RANBP17: variants seen among roughly 807,000 people sequenced by gnomAD.
RANBP17 encodes the protein RAN binding protein 17.
In RANBP17, 158 loss-of-function variants were observed where a neutral mutation model predicts 141.2. The ratio of observed to expected loss-of-function variants is 1.12; its 90% CI spans 0.98 to 1.28. RANBP17 has a LOEUF of 1.28. Among genes scored for constraint, RANBP17 ranks in the 50% most tolerant of loss-of-function variants. The pLI is 0.00. For synonymous variants in RANBP17, 430 were observed against 450.0 expected (o/e 0.96, Z 0.56); for missense variants, 1,438 against 1,290.7 (o/e 1.11, Z -1.75).
At chr5:170,876,067 C>T (rs1361660752) in intron 1 of RANBP17, among the ~76,000 whole-genome samples, 2 of 152,164 alleles carry the variant, frequency 1.3e-5, no homozygotes, top group African/African-American at 4.8e-5. Context: ...CACTCCTGCA[C>T]CTGGAGATGT....
At chr5:171,167,442 C>A (rs1370965493) in intron 14 of RANBP17, among the ~76,000 whole-genome samples, 1 of 151,854 alleles carries the variant, frequency 6.6e-6, no homozygotes, top group Non-Finnish European at 1.5e-5. Context: ...AGAAAATTAA[C>A]CAGTAAAGAT....
At chr5:171,252,281 ATAT>A in intron 24 of RANBP17, 5 of 1,552,182 alleles carry the variant, frequency 3.2e-6, no homozygotes, top group Non-Finnish European at 4.4e-6. Context: ...CCTAATGGTA[ATAT>A]TAATAATGAA....
chr5:170,972,129 C>G (rs1054769002), intron 14 of RANBP17, among the ~76,000 whole-genome samples: 2 of 151,398 alleles, frequency 1.3e-5, no homozygotes, highest in African/African-American at 4.9e-5. Context: ...CAAAACACAG[C>G]ACTGTTAACT....
At chr5:171,017,688 C>G (rs552588209) in intron 14 of RANBP17, among the ~76,000 whole-genome samples, 4 of 152,274 alleles carry the variant, frequency 2.6e-5, no homozygotes, top group Non-Finnish European at 4.4e-5. Context: ...CAAAAATTTT[C>G]TCCCATCTAT....
At chr5:171,018,976 A>C (rs969901833) in intron 14 of RANBP17, among the ~76,000 whole-genome samples, 7 of 152,180 alleles carry the variant, frequency 4.6e-5, no homozygotes, top group African/African-American at 1.4e-4. Context: ...AGGGATGTTG[A>C]ATTTTATCAA....
intron 22 of RANBP17, among the ~76,000 whole-genome samples, chr5:171,227,168 G>A (rs1034970423): frequency 1.3e-5 from 2 of 152,210 alleles, no homozygotes; most frequent in African/African-American, 4.8e-5. Context: ...ATTAAGCTTA[G>A]CGAAGAAGGC....
intron 14 of RANBP17, among the ~76,000 whole-genome samples, chr5:171,147,074 T>A (rs1758068958): frequency 1.3e-5 from 2 of 152,154 alleles, no homozygotes; most frequent in South Asian, 4.1e-4. Context: ...TTTAAAGATA[T>A]TTTTGGTTGT....
chr5:171,092,000 G>A (rs1786327553), intron 14 of RANBP17, among the ~76,000 whole-genome samples: 1 of 152,174 alleles, frequency 6.6e-6, no homozygotes, highest in Non-Finnish European at 1.5e-5. Context: ...TGGTATATGT[G>A]AGGGATCCTG....
intron 14 of RANBP17, among the ~76,000 whole-genome samples, chr5:171,118,138 G>A (rs1015992833): frequency 6.6e-6 from 1 of 152,066 alleles, no homozygotes; most frequent in Non-Finnish European, 1.5e-5. Context: ...TTACATTTAG[G>A]TCTTTGATCT....
intron 1 of RANBP17, among the ~76,000 whole-genome samples, chr5:170,866,444 G>A (rs531941566): frequency 6.6e-6 from 1 of 152,200 alleles, no homozygotes; most frequent in East Asian, 1.9e-4. Context: ...GGGAGGCTGA[G>A]GCAGGTGGGT....
chr5:171,187,464 A>G (rs1761340332), intron 18 of RANBP17, among the ~76,000 whole-genome samples: 1 of 152,086 alleles, frequency 6.6e-6, no homozygotes, highest in Non-Finnish European at 1.5e-5. Flanking sequence ...AAAGTGTGGT[A>G]TCTGTGAAGC....
chr5:170,863,520 A>T (rs1766992515), intron 1 of RANBP17: 1 of 152,158 alleles, frequency 6.6e-6, no homozygotes, highest in African/African-American at 2.4e-5. Context: ...TTTTGACTTC[A>T]TGCCATTTCT....
At chr5:170,964,007 A>G (rs1325917497) in intron 13 of RANBP17, among the ~76,000 whole-genome samples, 2 of 152,228 alleles carry the variant, frequency 1.3e-5, no homozygotes, top group East Asian at 1.9e-4. Context: ...CCTCGCCTAA[A>G]TAAGAGGTGT....
chr5:171,185,089 G>C (rs1472874245), intron 18 of RANBP17, among the ~76,000 whole-genome samples: 7 of 152,158 alleles, frequency 4.6e-5, no homozygotes, highest in African/African-American at 1.7e-4. Context: ...CTTGAACCCA[G>C]GAGGTAGAGG....
chr5:171,262,737 T>A (rs1766416792), intron 24 of RANBP17, among the ~76,000 whole-genome samples: 1 of 152,168 alleles, frequency 6.6e-6, no homozygotes, highest in Non-Finnish European at 1.5e-5. Flanking sequence ...CACTGCAACT[T>A]ATTCCTCTTA....
intron 14 of RANBP17, among the ~76,000 whole-genome samples, chr5:170,982,383 A>AAAAC (rs1322783973): frequency 1.3e-5 from 2 of 152,210 alleles, no homozygotes; most frequent in African/African-American, 4.8e-5. Flanking sequence ...CCTCTTGAAG[A>AAAAC]AAACCTCATA....
chr5:171,145,886 T>G (rs1757998647), intron 14 of RANBP17, among the ~76,000 whole-genome samples: 2 of 152,088 alleles, frequency 1.3e-5, no homozygotes, highest in South Asian at 4.1e-4. Flanking sequence ...ATAATGTGGG[T>G]TTTTAGATAC....
chr5:171,229,171 G>T (rs1764056365), intron 22 of RANBP17, among the ~76,000 whole-genome samples: 1 of 152,336 alleles, frequency 6.6e-6, no homozygotes, highest in East Asian at 1.9e-4. Context: ...TATGGATATG[G>T]TCTTCGATCT....
intron 14 of RANBP17, among the ~76,000 whole-genome samples, chr5:171,147,510 G>C (rs1758142918): frequency 1.3e-5 from 2 of 151,058 alleles, no homozygotes; most frequent in Non-Finnish European, 3.0e-5. Context: ...CCACCTCCCA[G>C]GTTCAAGCAA....
Sources: allele counts gnomAD v4.1 joint callset (sites outside exome capture counted in the v4.1 genomes callset), GRCh38; gene constraint gnomAD v4.1.1; transcripts MANE v1.5; gene names NCBI Gene and HGNC (gene_info 2026-07-23, HGNC 2026-07-21).